Variants in LRRC7 observed in about 807,000 individuals in gnomAD.
LRRC7 encodes the protein leucine rich repeat containing 7, also known as leucine-rich repeat-containing protein 7.
Under a neutral mutation model 175.7 loss-of-function variants are expected in LRRC7, and 23 were observed. The ratio of observed to expected loss-of-function variants is 0.13; its 90% CI spans 0.09 to 0.19. The LOEUF is 0.19. Ranked by LOEUF, LRRC7 falls within the 10% of genes least tolerant of loss-of-function variation. The pLI, the probability that LRRC7 is intolerant of heterozygous loss-of-function variation, is 1.00. For synonymous variants in LRRC7, 685 were observed against 680.9 expected (o/e 1.01, Z -0.09); for missense variants, 1,354 against 1,904.7 (o/e 0.71, Z 5.38).
chr1:69,811,713 T>G (rs925417421), intron 4 of LRRC7, among the ~76,000 whole-genome samples: 4 of 152,016 alleles, frequency 2.6e-5, no homozygotes, highest in Non-Finnish European at 2.9e-5. Context: ...AAGTGGGAGT[T>G]GAACAATGAG....
intron 21 of LRRC7, among the ~76,000 whole-genome samples, chr1:70,043,585 G>A (rs545654246): frequency 5.3e-5 from 8 of 152,148 alleles, no homozygotes; most frequent in Non-Finnish European, 1.0e-4. Flanking sequence ...TCTGCAGCTG[G>A]TAAAATTTAA....
At chr1:69,641,862 T>C (rs911411407) in intron 1 of LRRC7, among the ~76,000 whole-genome samples, 23 of 151,932 alleles carry the variant, frequency 1.5e-4, no homozygotes, top group African/African-American at 5.3e-4. Context: ...GCCTGTATCT[T>C]TTCCTTAAAA....
chr1:69,608,337 C>G (rs769022610), intron 1 of LRRC7: 1 of 152,120 alleles, frequency 6.6e-6, no homozygotes, highest in Non-Finnish European at 1.5e-5. Flanking sequence ...CACAGCCCTC[C>G]TTTATATTCC....
rs1666952739 is a variant in LRRC7, at chr1:70,138,501, T to C, written c.*16614T>C. Reference sequence around the variant, plus strand: ...TTGGTCCTTTTGTGACTGAGCTATATGATAAACTAAGGAAAACTACAGAAG... The same window carrying C: ...TTGGTCCTTTTGTGACTGAGCTATACGATAAACTAAGGAAAACTACAGAAG... On this transcript the variant is annotated 3_prime_UTR_variant, in exon 27 of 27. Coordinates refer to ENST00000651989, the MANE Select transcript of LRRC7 (RefSeq NM_001370785.2). The C allele has an allele frequency of 1.3e-5, 2 of 152,196 alleles. No individual in the cohort carries two copies. Among genetic ancestry groups the C allele is most frequent in the Non-Finnish European group, 1.5e-5 (1 of 68,038 alleles). 9.4% of individuals were successfully genotyped at this position (152,196 alleles called of 1,614,324 possible).
At chr1:70,009,334 C>CT (rs1001728108) in intron 11 of LRRC7, among the ~76,000 whole-genome samples, 3 of 147,360 alleles carry the variant, frequency 2.0e-5, no homozygotes, top group South Asian at 2.2e-4. Context: ...GCTAGACTTT[C>CT]TTTTTTTTCT....
chr1:69,989,553 G>A (rs1369784414), intron 10 of LRRC7, among the ~76,000 whole-genome samples: 2 of 151,910 alleles, frequency 1.3e-5, no homozygotes, highest in Non-Finnish European at 2.9e-5. Flanking sequence ...GAACAGAACA[G>A]GCACATAGAA....
chr1:70,076,753 G>A (rs1490735513), intron 24 of LRRC7, among the ~76,000 whole-genome samples: 1 of 152,148 alleles, frequency 6.6e-6, no homozygotes, highest in African/African-American at 2.4e-5. Context: ...GAATGGTGCA[G>A]AGATAAAGCT....
chr1:69,745,048 AC>A (rs1350980422), intron 2 of LRRC7, among the ~76,000 whole-genome samples: 1 of 151,860 alleles, frequency 6.6e-6, no homozygotes, highest in African/African-American at 2.4e-5. Context: ...CTGGAACTCT[AC>A]CTGAGAATTA....
intron 24 of LRRC7, among the ~76,000 whole-genome samples, chr1:70,080,149 A>G (rs181712329): frequency 1.2e-4 from 19 of 152,324 alleles, no homozygotes; most frequent in Admixed American, 1.0e-3. Context: ...GGAGTGTTCA[A>G]GTGAACTCAC....
chr1:70,066,168 C>A (rs752707731), intron 23 of LRRC7, among the ~76,000 whole-genome samples: 6 of 151,834 alleles, frequency 4.0e-5, no homozygotes, highest in African/African-American at 1.5e-4. Flanking sequence ...GTTCTCATTG[C>A]CATTAGAGTG....
At chr1:69,996,131 G>C (rs1473897751) in intron 11 of LRRC7, among the ~76,000 whole-genome samples, 1 of 151,474 alleles carries the variant, frequency 6.6e-6, no homozygotes, top group Non-Finnish European at 1.5e-5. Flanking sequence ...TTGTGGTTTT[G>C]ATTTGCATTT....
At chr1:69,743,496 A>G (rs1668935725) in intron 2 of LRRC7, among the ~76,000 whole-genome samples, 1 of 152,012 alleles carries the variant, frequency 6.6e-6, no homozygotes, top group Non-Finnish European at 1.5e-5. Context: ...GAGGAAACCA[A>G]TTAGAAAGCA....
chr1:69,968,102 A>G (rs918885744), intron 8 of LRRC7, among the ~76,000 whole-genome samples: 2 of 152,104 alleles, frequency 1.3e-5, no homozygotes, highest in Non-Finnish European at 2.9e-5. Context: ...GATAGCATAA[A>G]TAAAAAATAA....
intron 1 of LRRC7, among the ~76,000 whole-genome samples, chr1:69,600,812 T>C (rs1344625802): frequency 3.7e-5 from 5 of 134,946 alleles, no homozygotes; most frequent in Admixed American, 2.2e-4. Flanking sequence ...TTTTTTTTTT[T>C]TTTTTTTTTT....
chr1:70,062,404 A>G (rs1365337419), intron 23 of LRRC7, among the ~76,000 whole-genome samples: 1 of 152,154 alleles, frequency 6.6e-6, no homozygotes, highest in Non-Finnish European at 1.5e-5. Flanking sequence ...CTTTTAAAAC[A>G]TATGCTAATT....
At chr1:69,607,651 T>C (rs1245653264) in intron 1 of LRRC7, 2 of 152,084 alleles carry the variant, frequency 1.3e-5, no homozygotes, top group African/African-American at 4.8e-5. Context: ...TTGAAAAACA[T>C]TTTGTTCTAC....
At chr1:69,792,770 G>A (rs1467873635) in intron 4 of LRRC7, among the ~76,000 whole-genome samples, 11 of 151,938 alleles carry the variant, frequency 7.2e-5, no homozygotes, top group Non-Finnish European at 1.3e-4. Flanking sequence ...TGTATTTCTG[G>A]ACAGACTTGT....
At chr1:69,767,250 C>T (rs558797110) in intron 3 of LRRC7, among the ~76,000 whole-genome samples, 9 of 151,744 alleles carry the variant, frequency 5.9e-5, no homozygotes, top group African/African-American at 1.5e-4. Flanking sequence ...ATGATTATAC[C>T]GTATGTCATT....
chr1:70,031,410 G>C (rs1571092855), intron 18 of LRRC7, among the ~76,000 whole-genome samples: 1 of 151,994 alleles, frequency 6.6e-6, no homozygotes, highest in African/African-American at 2.4e-5. Flanking sequence ...TCACCTATGT[G>C]TTCAATACAC....
Sources: allele counts gnomAD v4.1 joint callset (sites outside exome capture counted in the v4.1 genomes callset), GRCh38; gene constraint gnomAD v4.1.1; transcripts MANE v1.5; gene names NCBI Gene and HGNC (gene_info 2026-07-23, HGNC 2026-07-21).